The following SPIDR variants were observed in gnomAD, a reference collection of about 807,000 sequenced individuals.
The protein encoded by SPIDR is scaffold protein involved in DNA repair.
A neutral mutation model predicts 104.6 loss-of-function variants in SPIDR; 93 were observed. The ratio of observed to expected loss-of-function variants is 0.89; its 90% CI spans 0.75 to 1.06. The LOEUF (loss-of-function observed/expected upper bound fraction) is 1.06. SPIDR is among the 50% of genes least tolerant of loss of function. The probability of loss-of-function intolerance (pLI) is 0.00; values close to 1 mark genes in which losing one functional copy is unlikely to be tolerated. For synonymous variants in SPIDR, 431 were observed against 416.9 expected (o/e 1.03, Z -0.41); for missense variants, 1,154 against 1,111.2 (o/e 1.04, Z -0.55).
chr8:47,636,362 A>C (rs2067920967), intron 10 of SPIDR, among the ~76,000 whole-genome samples: 1 of 152,206 alleles, frequency 6.6e-6, no homozygotes, highest in African/African-American at 2.4e-5. Context: ...AAACACAACA[A>C]TATTGAAATT....
At chr8:47,563,649 A>T (rs963888059) in intron 8 of SPIDR, among the ~76,000 whole-genome samples, 3 of 152,156 alleles carry the variant, frequency 2.0e-5, no homozygotes, top group Admixed American at 6.5e-5. Context: ...AAGACTTAGA[A>T]TCTGCAAGGG....
intron 8 of SPIDR, chr8:47,511,823 C>A: frequency 1.1e-6 from 1 of 928,932 alleles, no homozygotes; most frequent in Non-Finnish European, 1.8e-6. Context: ...CTGGGAGGGC[C>A]AACAATCTGC....
chr8:47,675,945 C>CG (rs2076384985), intron 11 of SPIDR, among the ~76,000 whole-genome samples: 1 of 152,218 alleles, frequency 6.6e-6, no homozygotes, highest in Non-Finnish European at 1.5e-5. Flanking sequence ...CTGAGCCTGG[C>CG]AAGGACACGA....
intron 10 of SPIDR, among the ~76,000 whole-genome samples, chr8:47,653,021 C>A (rs1265505971): frequency 6.6e-6 from 1 of 152,202 alleles, no homozygotes; most frequent in South Asian, 2.1e-4. Context: ...ACTACAGAGC[C>A]TGAAGACTAT....
chr8:47,584,658 A>G (rs2060080200), intron 8 of SPIDR, among the ~76,000 whole-genome samples: 1 of 152,170 alleles, frequency 6.6e-6, no homozygotes, highest in African/African-American at 2.4e-5. Flanking sequence ...ATACACACAT[A>G]CACTTTACCT....
At chr8:47,505,068 A>G (rs2081259910) in intron 8 of SPIDR, among the ~76,000 whole-genome samples, 2 of 152,052 alleles carry the variant, frequency 1.3e-5, no homozygotes, top group African/African-American at 2.4e-5. Context: ...CAGTTAGGCT[A>G]CTCAGGGGTC....
Position 47,673,761 on chromosome 8 carries a change from A to G in SPIDR, c.1545-40A>G, listed in dbSNP as rs957172153. 5.6e-6 allele frequency: 9 copies of G among 1,613,764 alleles called. No individual in the cohort carries two copies. The African/African-American group carries it at 9.3e-5, about 17-fold the overall frequency. Reference sequence around the variant, plus strand: ...AAATCTTGATCTCTGTATTAATCCAAACTGCCTCCTCAAAGACAAATGTGA... The same window carrying G: ...AAATCTTGATCTCTGTATTAATCCAGACTGCCTCCTCAAAGACAAATGTGA... On this transcript the variant is annotated intron_variant, in intron 10 of 19. Coordinates refer to ENST00000297423, the MANE Select transcript of SPIDR (RefSeq NM_001080394.4).
At chr8:47,397,752 A>G (rs1352080855) in intron 6 of SPIDR, among the ~76,000 whole-genome samples, 1 of 152,188 alleles carries the variant, frequency 6.6e-6, no homozygotes, top group Non-Finnish European at 1.5e-5. Context: ...CATGGCTCTT[A>G]TGTGGGAACT....
At chr8:47,664,655 C>G (rs913199232) in intron 10 of SPIDR, among the ~76,000 whole-genome samples, 2 of 149,504 alleles carry the variant, frequency 1.3e-5, no homozygotes, top group African/African-American at 4.9e-5. Context: ...CACCTGTAAT[C>G]CAAGCATTTT....
intron 14 of SPIDR, among the ~76,000 whole-genome samples, chr8:47,705,364 A>G (rs2080932059): frequency 6.6e-6 from 1 of 152,232 alleles, no homozygotes; most frequent in Non-Finnish European, 1.5e-5. Context: ...GTAGTCCTAT[A>G]GCCACAAAAC....
chr8:47,728,197 A>T (rs976273064), intron 17 of SPIDR, among the ~76,000 whole-genome samples: 1 of 152,010 alleles, frequency 6.6e-6, no homozygotes, highest in African/African-American at 2.4e-5. Flanking sequence ...GTGGGAGGCC[A>T]AGTGGATCAC....
intron 7 of SPIDR, among the ~76,000 whole-genome samples, chr8:47,415,199 G>A (rs1205151221): frequency 1.3e-5 from 2 of 151,938 alleles, no homozygotes; most frequent in African/African-American, 2.4e-5. Flanking sequence ...CACCATGCCC[G>A]GCCTATTCTG....
intron 6 of SPIDR, 36 bp downstream of exon 6, chr8:47,396,662 T>G: frequency 3.9e-6 from 6 of 1,546,646 alleles, no homozygotes; most frequent in Non-Finnish European, 5.2e-6. Flanking sequence ...CTTTTTAAAT[T>G]TTTCTCTTTC....
chr8:47,474,021 G>A (rs1463677988), intron 8 of SPIDR, among the ~76,000 whole-genome samples: 1 of 152,142 alleles, frequency 6.6e-6, no homozygotes, highest in Admixed American at 6.5e-5. Flanking sequence ...AAGCAGACAA[G>A]GAGAACACGA....
At chr8:47,437,339 T>C (rs751945923) in intron 7 of SPIDR, among the ~76,000 whole-genome samples, 7 of 150,744 alleles carry the variant, frequency 4.6e-5, no homozygotes, top group Non-Finnish European at 8.8e-5. Flanking sequence ...TGAGAATATG[T>C]GGTGTTTGGT....
chr8:47,380,375 T>C (rs1587952009), intron 5 of SPIDR, among the ~76,000 whole-genome samples: 4 of 152,162 alleles, frequency 2.6e-5, no homozygotes, highest in Admixed American at 2.6e-4. Context: ...GTACTTTTCA[T>C]CTGTGATCAC....
At chr8:47,642,532 G>C (rs759137110) in intron 10 of SPIDR, among the ~76,000 whole-genome samples, 12 of 152,116 alleles carry the variant, frequency 7.9e-5, no homozygotes, top group South Asian at 2.1e-4. Context: ...TGACTTCTTT[G>C]GGACCTGTCA....
At chr8:47,323,837 A>G (rs1390164956) in intron 5 of SPIDR, among the ~76,000 whole-genome samples, 1 of 152,216 alleles carries the variant, frequency 6.6e-6, no homozygotes, top group African/African-American at 2.4e-5. Context: ...TACAGAACCC[A>G]TGGACACCTT....
chr8:47,439,082 G>A (rs1006986998), intron 7 of SPIDR, among the ~76,000 whole-genome samples: 2 of 152,012 alleles, frequency 1.3e-5, no homozygotes, highest in Non-Finnish European at 1.5e-5. Flanking sequence ...TAATTAAAAA[G>A]CACAGAGAAT....
Sources: allele counts gnomAD v4.1 joint callset (sites outside exome capture counted in the v4.1 genomes callset), GRCh38; gene constraint gnomAD v4.1.1; transcripts MANE v1.5; gene names NCBI Gene and HGNC (gene_info 2026-07-23, HGNC 2026-07-21).